IL1RAPL2: variants seen among roughly 807,000 people sequenced by gnomAD.
IL1RAPL2 encodes X-linked interleukin-1 receptor accessory protein-like 2.
Under a neutral mutation model 44.1 loss-of-function variants are expected in IL1RAPL2, and 3 were observed. That is an observed-to-expected ratio of 0.07 (90% CI 0.03 to 0.18). The LOEUF is 0.18. Among genes scored for constraint, IL1RAPL2 ranks in the 10% least tolerant of loss-of-function variants. The pLI is 1.00. For synonymous variants in IL1RAPL2, 181 were observed against 178.8 expected (o/e 1.01, Z -0.10); for missense variants, 391 against 496.4 (o/e 0.79, Z 2.02).
chrX:104,901,341 G>T (rs1436404837), intron 2 of IL1RAPL2, among the ~76,000 whole-genome samples: 1 of 106,189 alleles, frequency 9.4e-6, no homozygotes, highest in Admixed American at 1.0e-4. Context: ...CTCGCGAGTA[G>T]CTGGGACTAC....
chrX:104,961,235 G>T (rs901815985), intron 2 of IL1RAPL2, among the ~76,000 whole-genome samples: 1 of 111,616 alleles, frequency 9.0e-6, no homozygotes, highest in Admixed American at 9.5e-5. Flanking sequence ...TTGCTGACCT[G>T]TAGACTCAGA....
At chrX:105,096,783 A>G (rs1215413631) in intron 2 of IL1RAPL2, among the ~76,000 whole-genome samples, 2 of 112,007 alleles carry the variant, frequency 1.8e-5, no homozygotes, top group Non-Finnish European at 1.9e-5. Flanking sequence ...TAACTGCACA[A>G]TCTCGTGAAT....
chrX:105,717,775 G>A lies in IL1RAPL2; in HGVS notation c.902+279G>A, dbSNP rs543495291. 2.7e-4 allele frequency among the ~76,000 whole-genome samples: 30 copies of A among 112,194 alleles called. No homozygotes were observed. The Middle Eastern group carries it at 0.014, about 51-fold the overall frequency. ...AACCACTGGTACTCCAACAGTCACA[G>A]CAAAGGTCCAGTCTTTGAAGGTGAC... On this transcript the variant is annotated intron_variant, in intron 7 of 10. Transcript: ENST00000372582.
chrX:105,083,737 A>G (rs2032443810), intron 2 of IL1RAPL2, among the ~76,000 whole-genome samples: 1 of 112,076 alleles, frequency 8.9e-6, no homozygotes, highest in South Asian at 3.7e-4. Flanking sequence ...AGTAAAGGAG[A>G]AATAGAATCC....
chrX:105,670,159 CCACA>C (rs1210480451), intron 6 of IL1RAPL2, among the ~76,000 whole-genome samples: 4 of 40,424 alleles, frequency 9.9e-5, no homozygotes, highest in South Asian at 1.2e-3. Flanking sequence ...CTCCACCAGA[CCACA>C]CAGTCTTGAT....
chrX:105,080,886 A>C (rs1181736145), intron 2 of IL1RAPL2, among the ~76,000 whole-genome samples: 1 of 110,991 alleles, frequency 9.0e-6, no homozygotes, highest in Non-Finnish European at 1.9e-5. Context: ...TTCCTCTCTT[A>C]TTTCCTTGAG....
At chrX:104,918,431 G>T (rs752114399) in intron 2 of IL1RAPL2, among the ~76,000 whole-genome samples, 3 of 111,868 alleles carry the variant, frequency 2.7e-5, no homozygotes, top group Non-Finnish European at 3.8e-5. Flanking sequence ...AAACAAAAAA[G>T]TAGAGGAGGA....
At chrX:104,722,331 A>T (rs1931696378) in intron 2 of IL1RAPL2, among the ~76,000 whole-genome samples, 1 of 111,741 alleles carries the variant, frequency 8.9e-6, no homozygotes, top group Admixed American at 9.5e-5. Flanking sequence ...AATATTCTTT[A>T]AAAAATTTCT....
At chrX:104,747,967 A>C (rs1300400688) in intron 2 of IL1RAPL2, among the ~76,000 whole-genome samples, 7 of 111,556 alleles carry the variant, frequency 6.3e-5, no homozygotes, top group African/African-American at 2.3e-4. Context: ...CCCCCTCCTC[A>C]TGCCCAGTGT....
At chrX:105,556,130 A>G (rs2036895032) in intron 6 of IL1RAPL2, among the ~76,000 whole-genome samples, 1 of 111,958 alleles carries the variant, frequency 8.9e-6, no homozygotes, top group Non-Finnish European at 1.9e-5. Flanking sequence ...TACATGAAAG[A>G]GCTAATGAAA....
At chrX:104,576,769 A>G (rs1003164174) in intron 1 of IL1RAPL2, among the ~76,000 whole-genome samples, 18 of 111,694 alleles carry the variant, frequency 1.6e-4, no homozygotes, top group Non-Finnish European at 3.2e-4. Context: ...TTATCTTGTC[A>G]CTAAATCTGC....
chrX:104,950,655 G>A (rs1263730386), intron 2 of IL1RAPL2, among the ~76,000 whole-genome samples: 1 of 112,370 alleles, frequency 8.9e-6, no homozygotes, highest in Admixed American at 9.4e-5. Flanking sequence ...CGAGCTAGGT[G>A]CAGGATGTAA....
At chrX:104,678,468 G>A (rs1229664789) in intron 2 of IL1RAPL2, among the ~76,000 whole-genome samples, 3 of 111,773 alleles carry the variant, frequency 2.7e-5, no homozygotes, top group Non-Finnish European at 5.6e-5. Flanking sequence ...TATTGGCTAC[G>A]TCTAAGTTAG....
intron 6 of IL1RAPL2, among the ~76,000 whole-genome samples, chrX:105,713,719 T>C (rs984958268): frequency 1.8e-5 from 2 of 111,572 alleles, no homozygotes; most frequent in African/African-American, 3.3e-5. Flanking sequence ...CTCAAAGATC[T>C]TCAAAATGCC....
chrX:105,022,031 T>C (rs1376562773), intron 2 of IL1RAPL2, among the ~76,000 whole-genome samples: 3 of 110,896 alleles, frequency 2.7e-5, no homozygotes, highest in African/African-American at 9.8e-5. Flanking sequence ...TTCTGAACCC[T>C]CTGTATATTG....
chrX:105,467,403 G>A (rs1430497523), intron 5 of IL1RAPL2, among the ~76,000 whole-genome samples: 1 of 111,554 alleles, frequency 9.0e-6, no homozygotes, highest in Non-Finnish European at 1.9e-5. Flanking sequence ...TGTGAAAGCA[G>A]AGACCAACTG....
At chrX:105,573,857 C>T (rs1474496420) in intron 6 of IL1RAPL2, among the ~76,000 whole-genome samples, 1 of 111,321 alleles carries the variant, frequency 9.0e-6, no homozygotes, top group Non-Finnish European at 1.9e-5. Context: ...ATATAACTAG[C>T]AATTTAGGCT....
intron 5 of IL1RAPL2, among the ~76,000 whole-genome samples, chrX:105,333,304 A>G (rs1292795391): frequency 9.0e-6 from 1 of 111,721 alleles, no homozygotes; most frequent in Non-Finnish European, 1.9e-5. Context: ...GGAAAACTGG[A>G]TATCCATATG....
chrX:104,614,445 G>A, intron 1 of IL1RAPL2, among the ~76,000 whole-genome samples: 1 of 112,009 alleles, frequency 8.9e-6, no homozygotes, highest in Admixed American at 9.5e-5. Context: ...GGCCAAGCAT[G>A]TGGTCAATCT....
Sources: gnomAD v4.1 joint callset for allele counts (sites outside exome capture counted in the v4.1 genomes callset) on GRCh38, gnomAD v4.1.1 for gene constraint, MANE v1.5 for transcripts, NCBI Gene and HGNC (gene_info 2026-07-23, HGNC 2026-07-21) for gene names.